The following TRPC4AP variants were observed in gnomAD, a reference collection of about 807,000 sequenced individuals.
TRPC4AP encodes the protein transient receptor potential cation channel subfamily C member 4 associated protein, also known as short transient receptor potential channel 4-associated protein.
In TRPC4AP, 45 loss-of-function variants were observed where a neutral mutation model predicts 99.0. The observed-to-expected ratio is 0.45, with a 90% CI of 0.36 to 0.58. The LOEUF (loss-of-function observed/expected upper bound fraction) is 0.58, where lower values mean the gene tolerates loss of function less well. TRPC4AP is among the 20% of genes least tolerant of loss of function. The pLI is 0.00. For missense variants in TRPC4AP, 879 were observed against 985.3 expected, an observed-to-expected ratio of 0.89 and a Z score of 1.44; for synonymous variants, 408 against 385.8, an observed-to-expected ratio of 1.06 and a Z score of -0.67.
intron 3 of TRPC4AP, among the ~76,000 whole-genome samples, chr20:35,068,332 G>A (rs993643811): frequency 6.6e-6 from 1 of 152,044 alleles, no homozygotes; most frequent in Admixed American, 6.6e-5. Flanking sequence ...AAACTTCTTA[G>A]GTAGGTAAAC....
chr20:35,069,939 A>AT (rs1270020432), intron 2 of TRPC4AP, among the ~76,000 whole-genome samples: 1 of 152,152 alleles, frequency 6.6e-6, no homozygotes, highest in Non-Finnish European at 1.5e-5. Context: ...AGACTCTGTC[A>AT]TTAAAAAAAA....
In TRPC4AP at chr20:35,003,126, T is replaced by TC. The variant is rs755534950; in HGVS notation, c.*19dup. 6.2e-7 allele frequency: 1 copy of TC among 1,613,550 alleles called. No homozygotes were observed. The highest frequency in any genetic ancestry group is 1.1e-5 in the South Asian group (1 of 91,056). On this transcript the variant is annotated 3_prime_UTR_variant, in exon 19 of 19. Transcript: ENST00000252015. ...GCTCACCCACACTGGCCCAGCAGCC[T>TC]CCCGAGGCCTGGCCCAAGGTCACTC...
In TRPC4AP at chr20:35,044,515, T is replaced by A; in HGVS notation, c.855A>T (p.Glu285Asp). The A allele has an allele frequency of 6.2e-7, 1 of 1,614,006 alleles. No individual in the cohort carries two copies. The highest frequency in any genetic ancestry group is 8.5e-7 in the Non-Finnish European group (1 of 1,179,902). ...ACTTGGAGACTTTACCTTGATTGAT[T>A]TCAGCTGCAGAAGGCCCCAAACTCA... ...KSLSLGPSAA[E>D]INQAALLSIP... The change falls in exon 7 of 19, where the codon GAA (glutamate) becomes GAT (aspartate). Residue 285 changes from glutamate (E) to aspartate (D), a missense_variant. Coordinates refer to ENST00000252015, the MANE Select transcript of TRPC4AP (RefSeq NM_015638.3).
intron 8 of TRPC4AP, among the ~76,000 whole-genome samples, chr20:35,021,580 T>C (rs1452520945): frequency 6.6e-6 from 1 of 152,194 alleles, no homozygotes; most frequent in Non-Finnish European, 1.5e-5. Flanking sequence ...TCATCAACTT[T>C]AACATAAAGT....
At chr20:35,015,904 G>A (rs890349739) in intron 10 of TRPC4AP, 104 bp downstream of exon 10, 1 of 1,456,264 alleles carries the variant, frequency 6.9e-7, no homozygotes, top group Non-Finnish European at 9.4e-7. Flanking sequence ...TTTAGTTTCT[G>A]CTCTACTCCC....
chr20:35,016,944 T>C (rs1213087601), intron 9 of TRPC4AP, among the ~76,000 whole-genome samples: 3 of 152,240 alleles, frequency 2.0e-5, no homozygotes. Flanking sequence ...CACACGCTGT[T>C]GGTGGGAGGG....
At position 35,005,701 on chromosome 20, in the gene TRPC4AP, T is replaced by C. The variant is rs2082501704; in HGVS notation, c.1930A>G (p.Met644Val). The C allele has an allele frequency of 6.2e-7, 1 of 1,614,006 alleles. No homozygotes were observed. Among genetic ancestry groups the C allele is most frequent in the Non-Finnish European group, 8.5e-7 (1 of 1,179,898 alleles). The change falls in exon 16 of 19, where the codon ATG (methionine) becomes GTG (valine). Residue 644 changes from methionine to valine, a missense_variant. Coordinates refer to ENST00000252015, the MANE Select transcript of TRPC4AP (RefSeq NM_015638.3). ...SLDRFENQVD[M>V]KVAEVLSECR... is the part of the protein sequence containing the mutation. ...CAGCCTGCCTTTCATGTACCTTTCA[T>C]ATCCACCTGGTTTTCAAATCGGTCC...
rs117585914 is a variant in TRPC4AP at position 35,037,977 on chromosome 20, T to A, written c.866-2669A>T. Among the ~76,000 whole-genome samples the A allele has an allele frequency of 8.3e-3, 1,268 of 152,052 alleles. 11 individuals carry two copies. The highest frequency in any genetic ancestry group is 0.015 in the Non-Finnish European group (1,017 of 68,004). On this transcript the variant is annotated intron_variant, in intron 7 of 18. Coordinates refer to ENST00000252015, the MANE Select transcript of TRPC4AP (RefSeq NM_015638.3). Reference sequence around the variant, plus strand: ...CTGCATTTCTCAGAAGGATAGAGACTGCTAAGTGACAACATGACTGTATAT... The same window carrying A: ...CTGCATTTCTCAGAAGGATAGAGACAGCTAAGTGACAACATGACTGTATAT...
At chr20:35,031,506 G>A (rs568338488) in intron 8 of TRPC4AP, among the ~76,000 whole-genome samples, 36 of 151,098 alleles carry the variant, frequency 2.4e-4, no homozygotes, top group Non-Finnish European at 4.6e-4. Flanking sequence ...AAAGTGCAGG[G>A]ATTACAGGTG....
At chr20:35,035,381 A>T in intron 7 of TRPC4AP, 73 bp from the exon 8 acceptor site, 1 of 1,443,868 alleles carries the variant, frequency 6.9e-7, no homozygotes. Flanking sequence ...GCCCTAACAA[A>T]CAATCTGCAT....
At chr20:35,011,417 C>T (rs556817242) in intron 11 of TRPC4AP, among the ~76,000 whole-genome samples, 5 of 152,318 alleles carry the variant, frequency 3.3e-5, no homozygotes, top group Admixed American at 3.3e-4. Flanking sequence ...TACTGGTTGT[C>T]TACCTTGGTG....
At chr20:35,018,604 GAAAAAAAAAAAA>G (rs11479211) in intron 9 of TRPC4AP, among the ~76,000 whole-genome samples, 7 of 88,950 alleles carry the variant, frequency 7.9e-5, no homozygotes, top group African/African-American at 2.5e-4. Context: ...CTCAAAAAAA[GAAAAAAAAAAAA>G]AAAAAAAAAA....
intron 1 of TRPC4AP, among the ~76,000 whole-genome samples, chr20:35,089,647 G>C (rs1374630282): frequency 2.0e-5 from 3 of 152,026 alleles, no homozygotes; most frequent in Non-Finnish European, 4.4e-5. Context: ...TCAGGAGTTG[G>C]AGACCAGCCT....
chr20:35,048,955 C>A (rs568113253), intron 6 of TRPC4AP, among the ~76,000 whole-genome samples: 1 of 152,292 alleles, frequency 6.6e-6, no homozygotes, highest in East Asian at 1.9e-4. Flanking sequence ...ACAAGCAAGG[C>A]CTGGGGAAAG....
At chr20:35,007,230 T>G (rs1169676089) in intron 14 of TRPC4AP, among the ~76,000 whole-genome samples, 1 of 152,234 alleles carries the variant, frequency 6.6e-6, no homozygotes, top group Non-Finnish European at 1.5e-5. Context: ...TAAGTTTTAC[T>G]TTTTCTGAAG....
intron 2 of TRPC4AP, among the ~76,000 whole-genome samples, chr20:35,071,397 T>C (rs925800137): frequency 5.9e-5 from 9 of 151,972 alleles, no homozygotes; most frequent in Non-Finnish European, 1.2e-4. Flanking sequence ...TCGTCATTTA[T>C]ATTAGGTATA....
chr20:35,003,976 TGC>T (rs1241392944), intron 17 of TRPC4AP, among the ~76,000 whole-genome samples: 1 of 152,174 alleles, frequency 6.6e-6, no homozygotes, highest in Admixed American at 6.5e-5. Flanking sequence ...AGCACTAGCC[TGC>T]GCGCCTCGGT....
intron 12 of TRPC4AP, 151 bp from the exon 13 acceptor site, chr20:35,008,898 G>A (rs1438286421): frequency 1.1e-5 from 7 of 651,272 alleles, no homozygotes; most frequent in South Asian, 1.9e-5. Flanking sequence ...CCAGAGCCCC[G>A]GAGACCCCTG....
intron 7 of TRPC4AP, among the ~76,000 whole-genome samples, chr20:35,039,817 A>G (rs2083407205): frequency 6.6e-6 from 1 of 152,074 alleles, no homozygotes; most frequent in African/African-American, 2.4e-5. Context: ...TAGTTCTGAG[A>G]ATCTCAAAAA....
Sources: gnomAD v4.1 joint callset for allele counts (sites outside exome capture counted in the v4.1 genomes callset) on GRCh38, gnomAD v4.1.1 for gene constraint, MANE v1.5 for transcripts, NCBI Gene and HGNC (gene_info 2026-07-23, HGNC 2026-07-21) for gene names.